COX15: variants seen among roughly 807,000 people sequenced by gnomAD.
COX15 encodes heme A synthase COX15.
In COX15, 51 loss-of-function variants were observed where a neutral mutation model predicts 51.9. That is an observed-to-expected ratio of 0.98 (90% CI 0.78 to 1.24). The LOEUF (loss-of-function observed/expected upper bound fraction) is 1.24, where lower values mean the gene tolerates loss of function less well. COX15 is among the 50% of genes most tolerant of loss of function. COX15 has a pLI of 0.00. For synonymous variants in COX15, 188 were observed against 190.5 expected (o/e 0.99, Z 0.11); for missense variants, 420 against 501.1 (o/e 0.84, Z 1.55).
chr10:99,711,375 G>T lies in COX15; in HGVS notation c.*3212C>A. On this transcript the variant is annotated 3_prime_UTR_variant, in exon 9 of 9. Coordinates refer to ENST00000016171, the MANE Select transcript of COX15 (RefSeq NM_078470.6). Reference sequence around the variant, plus strand: ...AACCTGGGTTTGAGGATCAGGAGAGGATGGTGTGGGAACCTGCCTCAGGAA... The same window carrying T: ...AACCTGGGTTTGAGGATCAGGAGAGTATGGTGTGGGAACCTGCCTCAGGAA... The T allele has an allele frequency of 2.0e-6, 2 of 985,420 alleles. No homozygotes were observed. Among genetic ancestry groups the T allele is most frequent in the South Asian group, 9.4e-5 (2 of 21,290 alleles). 61.0% of individuals were successfully genotyped at this position (985,420 alleles called of 1,614,324 possible). A position where few individuals can be genotyped will look rare whatever the true frequency, so the allele number is the denominator to read the frequency against.
At chr10:99,695,412 C>T in the COX15 span, among the ~76,000 whole-genome samples, 1 of 152,116 alleles carries the variant, frequency 6.6e-6, no homozygotes, top group Non-Finnish European at 1.5e-5. Context: ...GTCCCAACTA[C>T]TCAGGAGGCT....
At chr10:99,717,801 C>T (rs2036622589) in intron 7 of COX15, among the ~76,000 whole-genome samples, 1 of 152,232 alleles carries the variant, frequency 6.6e-6, no homozygotes, top group African/African-American at 2.4e-5. Flanking sequence ...CACTATGCTT[C>T]TCACAGTCTC....
Position 99,718,255 on chromosome 10 carries a change from CT to C in COX15, c.987+90del, listed in dbSNP as rs1051511488. ...CAGGAAATATAGTTCCTGCTCTACC[CT>C]CTCAGTGTTGCCATCAGTGCTTCAC... On this transcript the variant is annotated intron_variant, in intron 7 of 8. Coordinates refer to ENST00000016171, the MANE Select transcript of COX15 (RefSeq NM_078470.6). The C allele has an allele frequency of 4.4e-6, 6 of 1,375,584 alleles. No individual in the cohort carries two copies. In the African/African-American group the frequency reaches 5.7e-5, roughly 13 times the overall value. 85.2% of individuals were successfully genotyped at this position (1,375,584 alleles called of 1,614,324 possible).
chr10:99,712,772 G>T lies in COX15; in HGVS notation c.*1815C>A. On this transcript the variant is annotated 3_prime_UTR_variant, in exon 9 of 9. Coordinates refer to ENST00000016171, the MANE Select transcript of COX15 (RefSeq NM_078470.6). ...GTCTCCATCAGCCTGACCCCAGTGA[G>T]CATTTGATTTGGTCTACCCTACTCT... is the stretch of plus-strand genomic sequence containing the variant. 1 of 356,190 alleles carries T rather than the reference G, an allele frequency of 2.8e-6. No homozygotes were observed. The highest frequency in any genetic ancestry group is 3.9e-6 in the Non-Finnish European group (1 of 254,454). 22.1% of individuals were successfully genotyped at this position (356,190 alleles called of 1,614,324 possible). A position where few individuals can be genotyped will look rare whatever the true frequency, so the allele number is the denominator to read the frequency against.
intron 7 of COX15, among the ~76,000 whole-genome samples, chr10:99,716,847 T>C (rs904211087): frequency 6.6e-6 from 1 of 151,930 alleles, no homozygotes; most frequent in Admixed American, 6.6e-5. Flanking sequence ...AGGGTTATTA[T>C]TTTCCTGGGC....
At chr10:99,704,607 C>T in the COX15 span, 1 of 1,614,184 alleles carries the variant, frequency 6.2e-7, no homozygotes, top group Non-Finnish European at 8.5e-7. Flanking sequence ...CACCGACAAA[C>T]ACGAGCCTCA....
At chr10:99,729,492 A>T in intron 2 of COX15, 61 bp downstream of exon 2, 1 of 1,501,006 alleles carries the variant, frequency 6.7e-7, no homozygotes, top group South Asian at 1.1e-5. Context: ...CTTTCTCCTC[A>T]GTCAACCTGT....
intron 4 of COX15, among the ~76,000 whole-genome samples, chr10:99,725,662 C>G (rs143545724): frequency 0.013 from 1,960 of 152,294 alleles, 48 homozygotes; most frequent in African/African-American, 0.044. Flanking sequence ...CCGGTTCAAT[C>G]AATTCTTCTG....
chr10:99,717,288 C>T (rs1274240179), intron 7 of COX15, among the ~76,000 whole-genome samples: 1 of 152,214 alleles, frequency 6.6e-6, no homozygotes, highest in Non-Finnish European at 1.5e-5. Flanking sequence ...GGTCATGTTT[C>T]AAGCATGCTG....
Position 99,729,693 on chromosome 10 carries a change from G to T in COX15, c.132C>A (p.Ser44Arg), listed in dbSNP as rs762166225. 2 of 1,614,154 alleles carry T rather than the reference G, an allele frequency of 1.2e-6. No individual in the cohort carries two copies. Among genetic ancestry groups the T allele is most frequent in the Non-Finnish European group, 1.7e-6 (2 of 1,180,042 alleles). The change falls in exon 2 of 9, where the codon AGC becomes AGA. Residue 44 changes from serine (S) to arginine (R), a missense_variant. Transcript: ENST00000016171. Reference sequence around the variant, plus strand: ...ATTGCAAAGCTACTTCAGAGATGGTGCTGTATTGCCCTGGCCTCAAAGGGC... The same window carrying T: ...ATTGCAAAGCTACTTCAGAGATGGTTCTGTATTGCCCTGGCCTCAAAGGGC... The part of the protein sequence containing the change: ...IRRPLRPGQY[S>R]TISEVALQSG...
the COX15 span, chr10:99,696,083 A>G: frequency 6.2e-7 from 1 of 1,614,226 alleles, no homozygotes; most frequent in Non-Finnish European, 8.5e-7. Flanking sequence ...CGGCAGCGCT[A>G]CGAAGACCTT....
At chr10:99,705,166 A>G in the COX15 span, 4 of 162,370 alleles carry the variant, frequency 2.5e-5, no homozygotes, top group Non-Finnish European at 5.5e-5. Flanking sequence ...ACAGGGATCC[A>G]AGATCTTTGC....
chr10:99,704,848 C>A, the COX15 span: 2 of 654,686 alleles, frequency 3.1e-6, no homozygotes, highest in African/African-American at 1.8e-5. Flanking sequence ...GTACCCAGGT[C>A]TTCTCTGAGA....
the COX15 span, chr10:99,702,469 T>C: frequency 6.7e-7 from 1 of 1,484,786 alleles, no homozygotes; most frequent in Admixed American, 2.4e-5. Context: ...AGTATTAGAA[T>C]TCTTTTCTCT....
chr10:99,711,078 G>A lies in COX15; in HGVS notation c.*3509C>T. 1 of 969,848 alleles carries A rather than the reference G, an allele frequency of 1.0e-6. No homozygotes were observed. The highest frequency in any genetic ancestry group is 1.2e-6 in the Non-Finnish European group (1 of 825,324). The allele number at this position is 969,848 out of a possible 1,614,324, so 60.1% of individuals were successfully genotyped here. A position where few individuals can be genotyped will look rare whatever the true frequency, so the allele number is the denominator to read the frequency against. ...AATTCAATATTTGATATGTGTCTGG[G>A]AGTGCTGGGAATAACATAAATACAA... On this transcript the variant is annotated 3_prime_UTR_variant, in exon 9 of 9. Transcript: ENST00000016171.
At chr10:99,703,692 G>A in the COX15 span, among the ~76,000 whole-genome samples, 9 of 152,056 alleles carry the variant, frequency 5.9e-5, no homozygotes, top group Admixed American at 5.9e-4. Flanking sequence ...ATATATCCTA[G>A]ATCCTAAGGA....
At chr10:99,700,089 C>T in the COX15 span, among the ~76,000 whole-genome samples, 10 of 152,156 alleles carry the variant, frequency 6.6e-5, no homozygotes, top group African/African-American at 1.4e-4. Context: ...ACGACCTTCA[C>T]GCTCCCTGTT....
rs370091132 is a variant in COX15 at position 99,716,314 on chromosome 10, G to T, written c.1101+34C>A. On this transcript the variant is annotated intron_variant, in intron 8 of 8. Coordinates refer to ENST00000016171, the MANE Select transcript of COX15 (RefSeq NM_078470.6). ...GGCCCCTTTTTTAACTTTGTATTGG[G>T]GATACTGTCAGAACAAAAAGAAGTG... The T allele has an allele frequency of 4.2e-5, 61 of 1,451,920 alleles. No individual in the cohort carries two copies. The Middle Eastern group carries it at 8.8e-4, about 21-fold the overall frequency. The allele number at this position is 1,451,920 out of a possible 1,614,324, so 89.9% of individuals were successfully genotyped here. A position where few individuals can be genotyped will look rare whatever the true frequency, so the allele number is the denominator to read the frequency against.
At chr10:99,710,201 G>C, downstream of COX15, 1 of 985,400 alleles carries the variant, frequency 1.0e-6, no homozygotes, top group Non-Finnish European at 1.2e-6. Context: ...CAGAGCACTT[G>C]CCGGCATTTG....
Sources: allele counts gnomAD v4.1 joint callset (sites outside exome capture counted in the v4.1 genomes callset), GRCh38; gene constraint gnomAD v4.1.1; transcripts MANE v1.5; gene names NCBI Gene and HGNC (gene_info 2026-07-23, HGNC 2026-07-21).